PHKG1: variants seen among roughly 807,000 people sequenced by gnomAD.
The protein encoded by PHKG1 is phosphorylase kinase catalytic subunit gamma 1, also known as phosphorylase b kinase gamma catalytic chain, skeletal muscle/heart isoform.
In PHKG1, 48 loss-of-function variants were observed where a neutral mutation model predicts 50.5. The observed-to-expected ratio is 0.95, with a 90% CI of 0.75 to 1.21. The LOEUF is 1.21. Among genes scored for constraint, PHKG1 ranks in the 50% most tolerant of loss-of-function variants. The pLI is 0.00. For synonymous variants in PHKG1, 204 were observed against 212.8 expected (o/e 0.96, Z 0.36); for missense variants, 487 against 519.5 (o/e 0.94, Z 0.61).
Position 56,083,221 on chromosome 7 carries a change from C to T in PHKG1, c.547+57G>A, listed in dbSNP as rs1796100030. 5 of 1,495,126 alleles carry T rather than the reference C, an allele frequency of 3.3e-6. No individual in the cohort carries two copies. The South Asian group carries it at 5.7e-5, about 17-fold the overall frequency. 92.6% of individuals were successfully genotyped at this position (1,495,126 alleles called of 1,614,324 possible). The stretch of plus-strand genomic sequence containing the variant: ...AGAAACCCAGACCATCTCTATTCTG[C>T]AGATGGTTGATTGAGCACCCGAGGC... On this transcript the variant is annotated intron_variant, in intron 6 of 9. Coordinates refer to ENST00000297373, the MANE Select transcript of PHKG1 (RefSeq NM_006213.5).
At chr7:56,088,668 T>C in intron 2 of PHKG1, 191 bp downstream of exon 2, 2 of 502,266 alleles carry the variant, frequency 4.0e-6, no homozygotes, top group South Asian at 6.2e-5. Context: ...TGGGAACTTT[T>C]TGCTGGGAGA....
intron 1 of PHKG1, among the ~76,000 whole-genome samples, chr7:56,091,107 G>A (rs1796479114): frequency 6.6e-6 from 1 of 152,110 alleles, no homozygotes; most frequent in Non-Finnish European, 1.5e-5. Context: ...CCAGCTACTT[G>A]GAAGGCTGAG....
chr7:56,082,591 CA>C (rs529327899), intron 6 of PHKG1, among the ~76,000 whole-genome samples: 8 of 146,310 alleles, frequency 5.5e-5, no homozygotes, highest in Admixed American at 1.4e-4. Flanking sequence ...GACTCTGTTT[CA>C]AAAAAAAAAG....
Position 56,081,953 on chromosome 7 carries a change from G to C in PHKG1, c.732C>G (p.Ser244Arg). Residue 244 changes from serine to arginine, a missense_variant, in exon 8 of 10, where the codon AGC becomes AGG. Ser to Arg is a moderately radical substitution (Grantham distance 110). Coordinates refer to ENST00000297373, the MANE Select transcript of PHKG1 (RefSeq NM_006213.5). The surrounding 1 kb of genome is among the most constrained non-coding windows in gnomAD (Gnocchi z 4.6). ...KQMLMLRMIM[S>R]GNYQFGSPEW... The stretch of plus-strand genomic sequence containing the variant: ...CGGGCGAGCCAAACTGGTAGTTGCC[G>C]CTCATGATCATCCTCAGCATCAGCA... 6.2e-7 allele frequency: 1 copy of C among 1,613,872 alleles called. No individual in the cohort carries two copies. Among genetic ancestry groups the C allele is most frequent in the Non-Finnish European group, 8.5e-7 (1 of 1,180,014 alleles).
rs1584624266 is a variant in PHKG1, at chr7:56,084,207, A to T, written c.318-492T>A. 11 of 1,534,530 alleles carry T rather than the reference A, an allele frequency of 7.2e-6. No individual in the cohort carries two copies. In the East Asian group the frequency reaches 2.7e-4, roughly 38 times the overall value. On this transcript the variant is annotated intron_variant, in intron 4 of 9. Transcript: ENST00000297373. ...TTGGGAGAGTCCCAGCCCAAGCACCATTTCTGTTCCATCTCCATTGTATCA... is the reference window on the plus strand; with the variant it reads ...TTGGGAGAGTCCCAGCCCAAGCACCTTTTCTGTTCCATCTCCATTGTATCA...
rs1584636887 is a variant in PHKG1, at chr7:56,092,851, G to A, written c.-50C>T. On this transcript the variant is annotated 5_prime_UTR_variant, in exon 1 of 10. Transcript: ENST00000297373. ...AGCTACTCACGGTTAAGTGCTTGCA[G>A]GCTCTTGAAGGAGCTTGACAAGAAT... is the stretch of plus-strand genomic sequence containing the variant. 2 of 152,248 alleles carry A rather than the reference G, an allele frequency of 1.3e-5. No homozygotes were observed. The highest frequency in any genetic ancestry group is 4.8e-5 in the African/African-American group (2 of 41,456). 9.4% of individuals were successfully genotyped at this position (152,248 alleles called of 1,614,324 possible). A position where few individuals can be genotyped will look rare whatever the true frequency, so the allele number is the denominator to read the frequency against.
At position 56,081,728 on chromosome 7, in the gene PHKG1, G is replaced by A; in HGVS notation, c.820C>T (p.Gln274Ter). Residue 274 changes from glutamine (Q) to a stop codon, truncating the protein, a stop_gained, in exon 9 of 10, where the codon CAG becomes TAG. Transcript: ENST00000297373. LOFTEE classifies it high-confidence loss of function. This position sits in a 1 kb window ranked among gnomAD's most constrained non-coding sequence, Gnocchi z 4.6. ...LVSRFLVVQP[Q>*]NRYTAEEALA... ...GCCTCTTCCGCTGTGTAGCGGTTCT[G>A]GGGTTGCACCACCAGGAATCGGGAG... The A allele has an allele frequency of 6.2e-7, 1 of 1,613,802 alleles. No individual in the cohort carries two copies. The highest frequency in any genetic ancestry group is 8.5e-7 in the Non-Finnish European group (1 of 1,179,814).
intron 1 of PHKG1, among the ~76,000 whole-genome samples, chr7:56,092,438 A>AGGGG (rs752201730): frequency 3.8e-4 from 57 of 151,920 alleles, no homozygotes; most frequent in Non-Finnish European, 6.9e-4. Context: ...ATACCCAGCT[A>AGGGG]ATTTTTGTAT....
At chr7:56,089,652 A>C (rs951375622) in intron 1 of PHKG1, among the ~76,000 whole-genome samples, 2 of 151,070 alleles carry the variant, frequency 1.3e-5, no homozygotes, top group Non-Finnish European at 3.0e-5. Context: ...GCCTCCCAAG[A>C]AGCTGGAATT....
Position 56,081,858 on chromosome 7 carries a change from C to T in PHKG1, c.792+35G>A, listed in dbSNP as rs1796014074. On this transcript the variant is annotated intron_variant, in intron 8 of 9. Coordinates refer to ENST00000297373, the MANE Select transcript of PHKG1 (RefSeq NM_006213.5). The surrounding 1 kb of genome is among the most constrained non-coding windows in gnomAD (Gnocchi z 4.6). ...GGGCAGGGGCGCCTGGCATCGCAGC[C>T]CTGAGCCCAGGAGCCAGTTGGCCTG... The T allele has an allele frequency of 6.2e-7, 1 of 1,612,054 alleles. No homozygotes were observed. Among genetic ancestry groups the T allele is most frequent in the Non-Finnish European group, 8.5e-7 (1 of 1,179,210 alleles).
intron 6 of PHKG1, among the ~76,000 whole-genome samples, 185 bp from the exon 7 acceptor site, chr7:56,082,438 C>A (rs376264732): frequency 2.6e-5 from 4 of 152,038 alleles, no homozygotes; most frequent in Non-Finnish European, 5.9e-5. Flanking sequence ...ACTAAAAATA[C>A]AAAAATTAGC....
intron 4 of PHKG1, among the ~76,000 whole-genome samples, chr7:56,086,238 A>C (rs1047753652): frequency 1.9e-4 from 29 of 151,548 alleles, no homozygotes; most frequent in Non-Finnish European, 2.8e-4. Context: ...ATGTTCCAAG[A>C]CCCCCAGTGG....
In PHKG1 at chr7:56,081,382, G is replaced by C; in HGVS notation, c.919-83C>G. 6.7e-7 allele frequency: 1 copy of C among 1,490,472 alleles called. No individual in the cohort carries two copies. 92.3% of individuals were successfully genotyped at this position (1,490,472 alleles called of 1,614,324 possible). On this transcript the variant is annotated intron_variant, in intron 9 of 9. Transcript: ENST00000297373. The surrounding 1 kb of genome is among the most constrained non-coding windows in gnomAD (Gnocchi z 4.6). ...TCCAGCACAGGGACGCTCTGGGCTC[G>C]TTTGCCACGAAGCCTTGGGTGGCTT...
chr7:56,083,317 CAA>C lies in PHKG1; in HGVS notation c.506_507del (p.Phe169TrpfsTer25), dbSNP rs1255392973. The C allele has an allele frequency of 6.2e-7, 1 of 1,613,978 alleles. No individual in the cohort carries two copies. Among genetic ancestry groups the C allele is most frequent in the African/African-American group, 1.3e-5 (1 of 74,938 alleles). On this transcript the variant is annotated frameshift_variant, in exon 6 of 10. Transcript: ENST00000297373. LOFTEE classifies it high-confidence loss of function. ...DDNMNIKLTD[F>X]GFSCQLEPGE... is the part of the protein sequence containing the mutation. ...CCCGGCTCCAGCTGGCAGGAAAAGC[CAA>C]AGTCTGTGAGCTTGATGTTCATGTT... is the stretch of plus-strand genomic sequence containing the variant.
At chr7:56,086,849 ATTG>A in intron 4 of PHKG1, 118 bp downstream of exon 4, 3 of 807,930 alleles carry the variant, frequency 3.7e-6, no homozygotes, top group Non-Finnish European at 6.6e-6. Context: ...AAACACCGTG[ATTG>A]TATTTGGCAT....
chr7:56,090,272 T>C (rs1796446430), intron 1 of PHKG1, among the ~76,000 whole-genome samples: 1 of 152,096 alleles, frequency 6.6e-6, no homozygotes. Context: ...TGCACCACCA[T>C]GCCTGGCTAA....
At chr7:56,092,439 A>G (rs746684450) in intron 1 of PHKG1, among the ~76,000 whole-genome samples, 58 of 151,956 alleles carry the variant, frequency 3.8e-4, no homozygotes, top group Non-Finnish European at 7.1e-4. Context: ...TACCCAGCTA[A>G]TTTTTGTATT....
At chr7:56,082,127 C>G (rs1335639382) in intron 7 of PHKG1, 36 bp downstream of exon 7, 2 of 1,612,368 alleles carry the variant, frequency 1.2e-6, no homozygotes, top group Non-Finnish European at 8.5e-7. Context: ...CCTTGCCCAG[C>G]CTAGCTGGGT....
chr7:56,081,073 A>G lies in PHKG1; in HGVS notation c.1145T>C (p.Leu382Pro), dbSNP rs1795953443. The change falls in exon 10 of 10, where the codon CTG (leucine) becomes CCG (proline). Residue 382 changes from leucine to proline, a missense_variant. By Grantham distance (98) the Leu-to-Pro change is moderately conservative. Transcript: ENST00000297373. This position sits in a 1 kb window ranked among gnomAD's most constrained non-coding sequence, Gnocchi z 4.6. Reference protein sequence around the residue: ...ENTPKAVLLSLAEEDY With the variant: ...ENTPKAVLLSPAEEDY ...AGCCCCTCAGTAGTCCTCCTCGGCC[A>G]GGGAGAGGAGCACGGCCTTGGGTGT... 6.2e-6 allele frequency: 10 copies of G among 1,602,366 alleles called. No individual in the cohort carries two copies. The highest frequency in any genetic ancestry group is 1.7e-5 in the Admixed American group (1 of 59,742).
Sources: allele counts gnomAD v4.1 joint callset (sites outside exome capture counted in the v4.1 genomes callset), GRCh38; gene constraint gnomAD v4.1.1; non-coding constraint Gnocchi (gnomAD v3.1); transcripts MANE v1.5; gene names NCBI Gene and HGNC (gene_info 2026-07-23, HGNC 2026-07-21).